Variants in SLCO2A1 observed in about 807,000 individuals in gnomAD.
SLCO2A1 encodes solute carrier organic anion transporter family member 2A1.
In SLCO2A1, 60 loss-of-function variants were observed where a neutral mutation model predicts 71.7. That is an observed-to-expected ratio of 0.84 (90% CI 0.68 to 1.04). SLCO2A1 has a LOEUF of 1.04. Ranked by LOEUF, SLCO2A1 falls within the 50% of genes least tolerant of loss-of-function variation. SLCO2A1 has a pLI of 0.00. For synonymous variants in SLCO2A1, 308 were observed against 326.7 expected (o/e 0.94, Z 0.62); for missense variants, 745 against 813.4 (o/e 0.92, Z 1.02).
At chr3:134,009,041 C>T (rs1480216331) in intron 1 of SLCO2A1, among the ~76,000 whole-genome samples, 4 of 152,176 alleles carry the variant, frequency 2.6e-5, no homozygotes, top group Admixed American at 6.5e-5. Flanking sequence ...CCACTTCCAT[C>T]GTACATCACA....
At chr3:133,977,289 G>A (rs188156507) in intron 2 of SLCO2A1, among the ~76,000 whole-genome samples, 1 of 152,272 alleles carries the variant, frequency 6.6e-6, no homozygotes, top group Non-Finnish European at 1.5e-5. Flanking sequence ...TCTGAGACTG[G>A]GAAAGATTTT....
At chr3:133,977,265 T>G (rs962151735) in intron 2 of SLCO2A1, among the ~76,000 whole-genome samples, 1 of 152,230 alleles carries the variant, frequency 6.6e-6, no homozygotes, top group African/African-American at 2.4e-5. Flanking sequence ...GAATTCAGAT[T>G]CTTGAAAAGT....
At chr3:134,025,981 T>C (rs1935693806) in intron 1 of SLCO2A1, among the ~76,000 whole-genome samples, 1 of 152,208 alleles carries the variant, frequency 6.6e-6, no homozygotes, top group Non-Finnish European at 1.5e-5. Flanking sequence ...GTTCTCTCAA[T>C]GTCACTTCAT....
chr3:134,029,794 G>A lies in SLCO2A1; in HGVS notation c.9C>T (p.Leu3=), dbSNP rs1935786048. 1.3e-6 allele frequency: 2 copies of A among 1,513,468 alleles called. No individual in the cohort carries two copies. The highest frequency in any genetic ancestry group is 2.9e-5 in the African/African-American group (2 of 69,680). The allele number at this position is 1,513,468 out of a possible 1,614,324, so 93.8% of individuals were successfully genotyped here. The change falls in exon 1 of 14, where the codon CTC becomes CTT. Residue 3 remains leucine (L), a synonymous_variant. Coordinates refer to ENST00000310926, the MANE Select transcript of SLCO2A1 (RefSeq NM_005630.3). Reference sequence around the variant, plus strand: ...CCTGGGACGCGCCGAGCTTGGGCAGGAGCCCCATGGCTGCGGGCGGCTGGC... The same window carrying A: ...CCTGGGACGCGCCGAGCTTGGGCAGAAGCCCCATGGCTGCGGGCGGCTGGC... The part of the protein sequence containing the change: MG[L]LPKLGASQGS...
chr3:134,016,483 G>A lies in SLCO2A1; in HGVS notation c.96+13224C>T, dbSNP rs1046189484. On this transcript the variant is annotated intron_variant, in intron 1 of 13. Transcript: ENST00000310926. Reference sequence around the variant, plus strand: ...AAATGCAAAACAAGACCATGATGAGGTGTCACTATTCATATCTATTAGAAT... The same window carrying A: ...AAATGCAAAACAAGACCATGATGAGATGTCACTATTCATATCTATTAGAAT... Among the ~76,000 whole-genome samples, 3 of 152,126 alleles carry A rather than the reference G, an allele frequency of 2.0e-5. No homozygotes were observed. The East Asian group carries it at 5.8e-4, about 29-fold the overall frequency.
chr3:134,006,707 T>C (rs1422550481), intron 1 of SLCO2A1, among the ~76,000 whole-genome samples: 1 of 152,246 alleles, frequency 6.6e-6, no homozygotes, highest in Non-Finnish European at 1.5e-5. Flanking sequence ...ACACATTTTG[T>C]TTATCCATTT....
intron 4 of SLCO2A1, among the ~76,000 whole-genome samples, chr3:133,954,153 CTTTTTTTTTTTTTTT>C (rs60871049): frequency 8.2e-5 from 5 of 60,898 alleles, no homozygotes; most frequent in Admixed American, 4.6e-4. Context: ...GTGGTGTGTT[CTTTTTTTTTTTTTTT>C]TTTTTTTTTT....
chr3:133,959,093 C>T lies in SLCO2A1; in HGVS notation c.398-3900G>A, dbSNP rs1933968554. ...AGATGCCTAGGTCTGAGCAGCTGCCCCTCAGCAGCAGTATGAGTGATACCT... is the reference window on the plus strand; with the variant it reads ...AGATGCCTAGGTCTGAGCAGCTGCCTCTCAGCAGCAGTATGAGTGATACCT... On this transcript the variant is annotated intron_variant, in intron 3 of 13. Coordinates refer to ENST00000310926, the MANE Select transcript of SLCO2A1 (RefSeq NM_005630.3). Among the ~76,000 whole-genome samples the T allele has an allele frequency of 3.3e-5, 5 of 152,308 alleles. No homozygotes were observed. In the South Asian group the frequency reaches 1.0e-3, roughly 32 times the overall value.
intron 12 of SLCO2A1, 120 bp from the exon 13 acceptor site, chr3:133,936,017 A>G: frequency 1.9e-6 from 2 of 1,038,832 alleles, no homozygotes; most frequent in East Asian, 5.9e-5. Context: ...TGCCGTACCC[A>G]TAGGACTCAC....
chr3:133,934,669 G>T lies in SLCO2A1; in HGVS notation c.*44C>A. 1 of 1,364,304 alleles carries T rather than the reference G, an allele frequency of 7.3e-7. No individual in the cohort carries two copies. The highest frequency in any genetic ancestry group is 1.0e-6 in the Non-Finnish European group (1 of 954,466). 84.5% of individuals were successfully genotyped at this position (1,364,304 alleles called of 1,614,324 possible). A position where few individuals can be genotyped will look rare whatever the true frequency, so the allele number is the denominator to read the frequency against. ...AGTGAGTATAGGCAGGTGTGGAAGA[G>T]TCAAGGTCCACTCTCTGGAGCAGGG... On this transcript the variant is annotated 3_prime_UTR_variant, in exon 14 of 14. Transcript: ENST00000310926.
At chr3:134,025,223 A>C (rs565618773) in intron 1 of SLCO2A1, among the ~76,000 whole-genome samples, 41 of 152,324 alleles carry the variant, frequency 2.7e-4, no homozygotes, top group Non-Finnish European at 4.0e-4. Flanking sequence ...TCACTGAGGT[A>C]GGACAAAAGG....
At position 133,966,474 on chromosome 3, in the gene SLCO2A1, G is replaced by A. The variant is rs372285748; in HGVS notation, c.397+7189C>T. Among the ~76,000 whole-genome samples, 32 of 152,216 alleles carry A rather than the reference G, an allele frequency of 2.1e-4. No individual in the cohort carries two copies. The South Asian group carries it at 2.7e-3, about 13-fold the overall frequency. ...TGGAGTCCCCTGCTCACACCTCTCC[G>A]CACTGCAGCCCCAGGCCAAGAAGAG... On this transcript the variant is annotated intron_variant, in intron 3 of 13. Coordinates refer to ENST00000310926, the MANE Select transcript of SLCO2A1 (RefSeq NM_005630.3).
intron 3 of SLCO2A1, among the ~76,000 whole-genome samples, chr3:133,970,725 C>A (rs1455180662): frequency 1.3e-5 from 2 of 152,186 alleles, no homozygotes; most frequent in East Asian, 3.9e-4. Context: ...CCCAGCCAGA[C>A]TGAGGGAGAC....
At chr3:133,969,122 G>C (rs1934264147) in intron 3 of SLCO2A1, among the ~76,000 whole-genome samples, 2 of 152,160 alleles carry the variant, frequency 1.3e-5, no homozygotes, top group Admixed American at 6.5e-5. Flanking sequence ...ACCACAACAA[G>C]GGCAGGCAAA....
intron 1 of SLCO2A1, among the ~76,000 whole-genome samples, chr3:134,006,659 T>G (rs1387116008): frequency 1.3e-5 from 2 of 152,216 alleles, no homozygotes; most frequent in African/African-American, 4.8e-5. Flanking sequence ...GAATTTCCTT[T>G]CTTTTTAAGG....
chr3:133,980,952 G>A (rs1376357745), intron 1 of SLCO2A1, among the ~76,000 whole-genome samples: 1 of 152,220 alleles, frequency 6.6e-6, no homozygotes, highest in African/African-American at 2.4e-5. Flanking sequence ...GCCTGTCTGG[G>A]GGCATGGTGG....
At chr3:134,002,322 G>A (rs904109546) in intron 1 of SLCO2A1, among the ~76,000 whole-genome samples, 2 of 152,188 alleles carry the variant, frequency 1.3e-5, no homozygotes, top group African/African-American at 4.8e-5. Flanking sequence ...GGTTCTCAGG[G>A]ACTGAGGTTC....
chr3:134,020,141 C>G (rs1262261997), intron 1 of SLCO2A1, among the ~76,000 whole-genome samples: 4 of 152,078 alleles, frequency 2.6e-5, no homozygotes, highest in Non-Finnish European at 5.9e-5. Context: ...TCACGCACCC[C>G]CTGCTTGCTC....
chr3:133,974,490 G>T (rs575869609), intron 2 of SLCO2A1, among the ~76,000 whole-genome samples: 2 of 152,172 alleles, frequency 1.3e-5, no homozygotes, highest in Non-Finnish European at 2.9e-5. Flanking sequence ...TGGAGAAGAG[G>T]GTTTCTGCCC....
Sources: allele counts gnomAD v4.1 joint callset (sites outside exome capture counted in the v4.1 genomes callset), GRCh38; gene constraint gnomAD v4.1.1; transcripts MANE v1.5; gene names NCBI Gene and HGNC (gene_info 2026-07-23, HGNC 2026-07-21).